SERINC5: variants seen among roughly 807,000 people sequenced by gnomAD.
The protein encoded by SERINC5 is serine incorporator 5, also known as chromosome 5 open reading frame 12.
A neutral mutation model predicts 63.1 loss-of-function variants in SERINC5; 41 were observed. That is an observed-to-expected ratio of 0.65 (90% CI 0.51 to 0.84). The LOEUF (loss-of-function observed/expected upper bound fraction) is 0.84. Among genes scored for constraint, SERINC5 ranks in the 40% least tolerant of loss-of-function variants. The pLI, the probability that SERINC5 is intolerant of heterozygous loss-of-function variation, is 0.00. For missense variants in SERINC5, 523 were observed against 573.0 expected, an observed-to-expected ratio of 0.91 and a Z score of 0.89; for synonymous variants, 222 against 215.2, an observed-to-expected ratio of 1.03 and a Z score of -0.28.
intron 2 of SERINC5, 49 bp from the exon 3 acceptor site, chr5:80,178,113 G>A (rs1748164192): frequency 7.7e-7 from 1 of 1,301,360 alleles, no homozygotes; most frequent in South Asian, 1.4e-5. Context: ...AGTGAGAGGT[G>A]GACTGTCACG....
intron 1 of SERINC5, among the ~76,000 whole-genome samples, chr5:80,255,472 T>C (rs1035290723): frequency 6.6e-5 from 10 of 152,102 alleles, no homozygotes; most frequent in African/African-American, 2.4e-4. Context: ...CGAGTTTTAT[T>C]CAGGGCATAG....
intron 11 of SERINC5, among the ~76,000 whole-genome samples, chr5:80,117,208 A>G (rs900416911): frequency 6.6e-6 from 1 of 152,020 alleles, no homozygotes; most frequent in Non-Finnish European, 1.5e-5. Flanking sequence ...GTAAGCCAAG[A>G]CTCTGCAGTA....
At chr5:80,123,404 G>A (rs1271616897) in intron 11 of SERINC5, among the ~76,000 whole-genome samples, 1 of 152,324 alleles carries the variant, frequency 6.6e-6, no homozygotes, top group South Asian at 2.1e-4. Flanking sequence ...TTACAGGCGT[G>A]AGCCTCCATG....
chr5:80,251,159 G>A (rs746048778), intron 1 of SERINC5, among the ~76,000 whole-genome samples: 9 of 152,060 alleles, frequency 5.9e-5, no homozygotes, highest in Admixed American at 1.3e-4. Context: ...CGCACCTGTA[G>A]TCCCAGCTAC....
In SERINC5 at chr5:80,142,394, G is replaced by A. The variant is rs753031746; in HGVS notation, c.*1269C>T. ...ATTACAGGCACACGCTACCATGCCC[G>A]GCTAATTTTTCTATTTTTAATAGAG... On this transcript the variant is annotated 3_prime_UTR_variant, in exon 12 of 12. Coordinates refer to ENST00000507668, the MANE Select transcript of SERINC5 (RefSeq NM_001174072.3). 74 of 868,878 alleles carry A rather than the reference G, an allele frequency of 8.5e-5. No homozygotes were observed. Among genetic ancestry groups the A allele is most frequent in the Non-Finnish European group, 9.8e-5 (71 of 723,884 alleles). The allele number at this position is 868,878 out of a possible 1,614,324, so 53.8% of individuals were successfully genotyped here.
At chr5:80,160,982 GTGTGTATATGT>G (rs1561380621) in intron 7 of SERINC5, among the ~76,000 whole-genome samples, 1 of 132,988 alleles carries the variant, frequency 7.5e-6, no homozygotes, top group East Asian at 2.5e-4. Flanking sequence ...ATGTATATAT[GTGTGTATATGT>G]ATATATATAC....
At chr5:80,134,360 C>T (rs1745070199), downstream of SERINC5, among the ~76,000 whole-genome samples, 1 of 152,088 alleles carries the variant, frequency 6.6e-6, no homozygotes, top group Non-Finnish European at 1.5e-5. Context: ...GTGGCGTGCA[C>T]CTGTAGTCCC....
In SERINC5 at chr5:80,143,545, C is replaced by G; in HGVS notation, c.*118G>C. The G allele has an allele frequency of 7.4e-7, 1 of 1,358,554 alleles. No individual in the cohort carries two copies. Among genetic ancestry groups the G allele is most frequent in the Non-Finnish European group, 9.5e-7 (1 of 1,057,264 alleles). 84.2% of individuals were successfully genotyped at this position (1,358,554 alleles called of 1,614,324 possible). A position where few individuals can be genotyped will look rare whatever the true frequency, so the allele number is the denominator to read the frequency against. ...TCAGGAGATTTTTTTTTTTCTCTCT[C>G]AAAGCTTTTTCAGACCCACTCAGGC... On this transcript the variant is annotated 3_prime_UTR_variant, in exon 12 of 12. Coordinates refer to ENST00000507668, the MANE Select transcript of SERINC5 (RefSeq NM_001174072.3).
At chr5:80,201,108 C>G (rs571486134) in intron 2 of SERINC5, among the ~76,000 whole-genome samples, 1 of 151,784 alleles carries the variant, frequency 6.6e-6, no homozygotes, top group Non-Finnish European at 1.5e-5. Flanking sequence ...ACCACCCCCC[C>G]ACAAAAAAAT....
intron 1 of SERINC5, among the ~76,000 whole-genome samples, chr5:80,255,546 G>GGCTACGGAGCTCAGC (rs1752623346): frequency 6.6e-6 from 1 of 152,164 alleles, no homozygotes; most frequent in Non-Finnish European, 1.5e-5. Flanking sequence ...GAGTGGAGAG[G>GGCTACGGAGCTCAGC]GCTACGGAGC....
At chr5:80,243,607 C>T (rs915749826) in intron 1 of SERINC5, among the ~76,000 whole-genome samples, 1 of 151,744 alleles carries the variant, frequency 6.6e-6, no homozygotes, top group African/African-American at 2.4e-5. Context: ...CCATAACCTG[C>T]CTCAAAAATC....
At chr5:80,162,809 T>C (rs941511605) in intron 7 of SERINC5, among the ~76,000 whole-genome samples, 5 of 152,112 alleles carry the variant, frequency 3.3e-5, no homozygotes, top group African/African-American at 7.2e-5. Flanking sequence ...TTTGGTTCTC[T>C]GCTAGATGAT....
chr5:80,251,362 G>A (rs993571714), intron 1 of SERINC5, among the ~76,000 whole-genome samples: 4 of 152,038 alleles, frequency 2.6e-5, no homozygotes, highest in Non-Finnish European at 5.9e-5. Context: ...GAAAATCTTG[G>A]TGATCTAGAA....
rs1190250777 is a variant in SERINC5 at position 80,167,931 on chromosome 5, AT to A, written c.763+1403del. On this transcript the variant is annotated intron_variant, in intron 6 of 11. Coordinates refer to ENST00000507668, the MANE Select transcript of SERINC5 (RefSeq NM_001174072.3). ...TATCATTATTAAATTGTAATTACCA[AT>A]AAAGACATAAAATAGACCCTGTTAT... Among the ~76,000 whole-genome samples the A allele has an allele frequency of 5.9e-5, 9 of 152,362 alleles. No individual in the cohort carries two copies. In the East Asian group the frequency reaches 7.7e-4, roughly 13 times the overall value.
intron 1 of SERINC5, among the ~76,000 whole-genome samples, chr5:80,238,235 G>A (rs115812575): frequency 2.9e-4 from 44 of 151,458 alleles, no homozygotes; most frequent in African/African-American, 9.2e-4. Flanking sequence ...GCCAGAAGCC[G>A]CTGCTAGGCA....
At chr5:80,228,249 A>AGGAGGGAGGGAAGGAAAGGAGGGAG (rs1751257816) in intron 1 of SERINC5, among the ~76,000 whole-genome samples, 1 of 86,042 alleles carries the variant, frequency 1.2e-5, no homozygotes, top group African/African-American at 4.7e-5. Context: ...AGGGAGGGAA[A>AGGAGGGAGGGAAGGAAAGGAGGGAG]GGAGGGAGGG....
rs560283131 is a variant in SERINC5, at chr5:80,169,508, G to T, written c.590C>A (p.Ser197Tyr). ...CATGATGAGCGTCACCAGGGCCAGG[G>T]AGGCGTACCACAGCTTGTTACTGGC... is the stretch of plus-strand genomic sequence containing the variant. ...GTASNKLWYASLALVTLIMYS... is the reference protein window; with the variant it reads ...GTASNKLWYAYLALVTLIMYS... The change falls in exon 6 of 12, where the codon TCC becomes TAC. Residue 197 changes from serine to tyrosine, a missense_variant. Transcript: ENST00000507668. The T allele has an allele frequency of 1.9e-6, 3 of 1,613,846 alleles. No individual in the cohort carries two copies. Among genetic ancestry groups the T allele is most frequent in the Non-Finnish European group, 1.7e-6 (2 of 1,179,850 alleles).
Position 80,143,617 on chromosome 5 carries a change from C to G in SERINC5, c.*46G>C. 3 of 1,525,462 alleles carry G rather than the reference C, an allele frequency of 2.0e-6. No homozygotes were observed. The highest frequency in any genetic ancestry group is 2.6e-6 in the Non-Finnish European group (3 of 1,138,996). 94.5% of individuals were successfully genotyped at this position (1,525,462 alleles called of 1,614,324 possible). On this transcript the variant is annotated 3_prime_UTR_variant, in exon 12 of 12. Transcript: ENST00000507668. ...CGGGGACACTGTTCAAAAGATGGCACTTTCCAGGCTGTAGGCCCACAAAGC... is the reference window on the plus strand; with the variant it reads ...CGGGGACACTGTTCAAAAGATGGCAGTTTCCAGGCTGTAGGCCCACAAAGC...
chr5:80,255,626 A>C (rs1752632691), intron 1 of SERINC5, among the ~76,000 whole-genome samples: 1 of 152,172 alleles, frequency 6.6e-6, no homozygotes, highest in Non-Finnish European at 1.5e-5. Flanking sequence ...CCTCCGCCCG[A>C]GCCCGGCACG....
Sources: gnomAD v4.1 joint callset for allele counts (sites outside exome capture counted in the v4.1 genomes callset) on GRCh38, gnomAD v4.1.1 for gene constraint, MANE v1.5 for transcripts, NCBI Gene and HGNC (gene_info 2026-07-23, HGNC 2026-07-21) for gene names.